The following SLC45A4 variants were observed in gnomAD, a reference collection of about 807,000 sequenced individuals.
SLC45A4 encodes the protein solute carrier family 45 member 4.
Under a neutral mutation model 63.7 loss-of-function variants are expected in SLC45A4, and 32 were observed. The ratio of observed to expected loss-of-function variants is 0.50; its 90% CI spans 0.38 to 0.67. The LOEUF (loss-of-function observed/expected upper bound fraction) is 0.67, where lower values mean the gene tolerates loss of function less well. SLC45A4 is among the 30% of genes least tolerant of loss of function. The probability of loss-of-function intolerance (pLI) is 0.00; values close to 1 mark genes in which losing one functional copy is unlikely to be tolerated. For synonymous variants in SLC45A4, 535 were observed against 510.0 expected, an observed-to-expected ratio of 1.05 and a Z score of -0.66; for missense variants, 1,027 against 1,157.7, an observed-to-expected ratio of 0.89 and a Z score of 1.64.
At chr8:141,267,834 G>A (rs1281853591) in intron 1 of SLC45A4, among the ~76,000 whole-genome samples, 1 of 151,732 alleles carries the variant, frequency 6.6e-6, no homozygotes, top group African/African-American at 2.4e-5. Flanking sequence ...AGGATGTGGG[G>A]CAGCAGGAAC....
intron 1 of SLC45A4, among the ~76,000 whole-genome samples, chr8:141,290,370 C>T (rs894644016): frequency 2.3e-4 from 35 of 152,088 alleles, no homozygotes; most frequent in East Asian, 5.8e-4. Context: ...TTGAGAATTC[C>T]ACCCGCCACT....
intron 1 of SLC45A4, among the ~76,000 whole-genome samples, chr8:141,305,451 G>A (rs1368982028): frequency 6.6e-6 from 1 of 152,176 alleles, no homozygotes; most frequent in East Asian, 1.9e-4. Flanking sequence ...GCATAATCAC[G>A]CAGTGATGAA....
At chr8:141,233,779 A>G (rs1827485859) in intron 2 of SLC45A4, among the ~76,000 whole-genome samples, 1 of 152,216 alleles carries the variant, frequency 6.6e-6, no homozygotes. Context: ...CCCCTGGGAA[A>G]CGGCTATGGA....
intron 1 of SLC45A4, among the ~76,000 whole-genome samples, chr8:141,272,486 T>TA (rs1388356876): frequency 6.6e-6 from 1 of 152,146 alleles, no homozygotes; most frequent in Non-Finnish European, 1.5e-5. Flanking sequence ...CTTCCACCCT[T>TA]ACCCACAGTA....
chr8:141,243,867 G>A (rs545899591), intron 2 of SLC45A4, among the ~76,000 whole-genome samples: 4 of 152,082 alleles, frequency 2.6e-5, no homozygotes, highest in Admixed American at 6.5e-5. Flanking sequence ...TCTTAGCTAT[G>A]TTTTCTTCAG....
chr8:141,305,699 C>T (rs1055687139), intron 1 of SLC45A4, among the ~76,000 whole-genome samples: 4 of 152,180 alleles, frequency 2.6e-5, no homozygotes, highest in Non-Finnish European at 5.9e-5. Flanking sequence ...CACTGGGCGT[C>T]AGGACCCTCG....
intron 2 of SLC45A4, among the ~76,000 whole-genome samples, chr8:141,222,152 A>C (rs913400620): frequency 6.6e-6 from 1 of 152,222 alleles, no homozygotes; most frequent in Non-Finnish European, 1.5e-5. Flanking sequence ...GGGCTGCTGA[A>C]GGCCACTTTG....
At chr8:141,284,103 G>A (rs1830055804) in intron 1 of SLC45A4, among the ~76,000 whole-genome samples, 1 of 152,200 alleles carries the variant, frequency 6.6e-6, no homozygotes, top group African/African-American at 2.4e-5. Flanking sequence ...TAATGACTCA[G>A]TGATTATTTG....
intron 1 of SLC45A4, among the ~76,000 whole-genome samples, chr8:141,265,256 T>C (rs1176971766): frequency 6.6e-6 from 1 of 152,174 alleles, no homozygotes; most frequent in Non-Finnish European, 1.5e-5. Flanking sequence ...GCCCATGTGG[T>C]GCATATTTCC....
chr8:141,271,103 A>T (rs908866082), intron 1 of SLC45A4, among the ~76,000 whole-genome samples: 37 of 152,262 alleles, frequency 2.4e-4, no homozygotes, highest in Non-Finnish European at 1.8e-4. Context: ...CTGATGAGCC[A>T]GAACGCTTGC....
At chr8:141,287,948 G>A (rs975187855) in intron 1 of SLC45A4, among the ~76,000 whole-genome samples, 2 of 152,200 alleles carry the variant, frequency 1.3e-5, no homozygotes, top group African/African-American at 2.4e-5. Context: ...AGCCACCGAG[G>A]GGGACTAGAC....
intron 1 of SLC45A4, among the ~76,000 whole-genome samples, chr8:141,301,285 A>G (rs1219557751): frequency 6.6e-6 from 1 of 152,186 alleles, no homozygotes; most frequent in Non-Finnish European, 1.5e-5. Context: ...TATTTTGTGC[A>G]TTTAGTAATT....
chr8:141,230,609 C>T (rs561709632), intron 2 of SLC45A4, among the ~76,000 whole-genome samples: 3 of 152,358 alleles, frequency 2.0e-5, no homozygotes, highest in African/African-American at 7.2e-5. Context: ...GCGCCCAGGC[C>T]AGTGCTGCCT....
At chr8:141,276,761 T>A (rs1477289623) in intron 1 of SLC45A4, among the ~76,000 whole-genome samples, 2 of 152,158 alleles carry the variant, frequency 1.3e-5, no homozygotes, top group Admixed American at 6.5e-5. Flanking sequence ...CCACAGGACA[T>A]GGTCTGCTAC....
In SLC45A4 at chr8:141,218,334, G is replaced by T; in HGVS notation, c.1306C>A (p.His436Asn). 1 of 1,608,030 alleles carries T rather than the reference G, an allele frequency of 6.2e-7. No homozygotes were observed. The change falls in exon 5 of 9, where the codon CAC becomes AAC. Residue 436 changes from histidine to asparagine, a missense_variant. By Grantham distance (68) the His-to-Asn change is moderately conservative. Coordinates refer to ENST00000517878, the MANE Select transcript of SLC45A4 (RefSeq NM_001286646.2). ...TFSYYGKLGSHCYRYRRANAV... is the reference protein window; with the variant it reads ...TFSYYGKLGSNCYRYRRANAV... Reference sequence around the variant, plus strand: ...TTGGCGCGCCGGTAGCGGTAGCAGTGGGACCCAAGCTTGCCGTAGTAGGAG... The same window carrying T: ...TTGGCGCGCCGGTAGCGGTAGCAGTTGGACCCAAGCTTGCCGTAGTAGGAG...
chr8:141,221,699 G>C lies in SLC45A4; in HGVS notation c.308C>G (p.Pro103Arg). 1 of 1,614,122 alleles carries C rather than the reference G, an allele frequency of 6.2e-7. No homozygotes were observed. Among genetic ancestry groups the C allele is most frequent in the Non-Finnish European group, 8.5e-7 (1 of 1,180,034 alleles). Residue 103 changes from proline to arginine, a missense_variant, in exon 3 of 9, where the codon CCT (proline) becomes CGT (arginine). By Grantham distance (103) the Pro-to-Arg change is moderately radical (BLOSUM62 -2). Coordinates refer to ENST00000517878, the MANE Select transcript of SLC45A4 (RefSeq NM_001286646.2). ...CCGGTCACTCGCAGACCCAATGAGA[G>C]GTGTGAAGATGAGGCCAAGGATGGG... ...LSPILGLIFT[P>R]LIGSASDRCT... is the part of the protein sequence containing the mutation.
chr8:141,279,951 A>G (rs1045467757), intron 1 of SLC45A4, among the ~76,000 whole-genome samples: 2 of 152,262 alleles, frequency 1.3e-5, no homozygotes, highest in Admixed American at 1.3e-4. Context: ...ACTCGCCTAC[A>G]TGAGAAGTGA....
chr8:141,277,106 G>A (rs556227941), intron 1 of SLC45A4, among the ~76,000 whole-genome samples: 4 of 152,328 alleles, frequency 2.6e-5, no homozygotes, highest in East Asian at 1.9e-4. Context: ...AGGAGCCCGC[G>A]CCGCCCTCTA....
At position 141,254,019 on chromosome 8, in the gene SLC45A4, C is replaced by T. The variant is rs1828651108; in HGVS notation, c.211G>A (p.Ala71Thr). Residue 71 changes from alanine to threonine, a missense_variant, in exon 2 of 9, where the codon GCT becomes ACT. Physicochemically the swap from Ala to Thr is moderately conservative, Grantham distance 58. Transcript: ENST00000517878. This position sits in a 1 kb window ranked among gnomAD's most constrained non-coding sequence, Gnocchi z 4.5. ...GREFCYAMET[A>T]LVTPILLQIG... ...TGCAACAGTATTGGTGTGACCAGAG[C>T]GGTTTCCATGGCGTAACAGAACTCC... 4 of 1,536,050 alleles carry T rather than the reference C, an allele frequency of 2.6e-6. No homozygotes were observed. The highest frequency in any genetic ancestry group is 1.7e-6 in the Non-Finnish European group (2 of 1,146,926).
Sources: allele counts gnomAD v4.1 joint callset (sites outside exome capture counted in the v4.1 genomes callset), GRCh38; gene constraint gnomAD v4.1.1; non-coding constraint Gnocchi (gnomAD v3.1); transcripts MANE v1.5; gene names NCBI Gene and HGNC (gene_info 2026-07-23, HGNC 2026-07-21).